The following CFL2 variants were observed in gnomAD, a reference collection of about 807,000 sequenced individuals.
CFL2 encodes the protein cofilin-2.
A neutral mutation model predicts 19.6 loss-of-function variants in CFL2; 10 were observed. The ratio of observed to expected loss-of-function variants is 0.51; its 90% confidence interval spans 0.31 to 0.86. CFL2 has a LOEUF of 0.86. CFL2 is among the 40% of genes least tolerant of loss of function. The pLI is 0.04. For synonymous variants in CFL2, 63 were observed against 66.7 expected, an observed-to-expected ratio of 0.95 and a Z score of 0.27; for missense variants, 125 against 192.1, an observed-to-expected ratio of 0.65 and a Z score of 2.06.
rs563036298 is a variant in CFL2, at chr14:34,712,740, T to C, written c.*125A>G. The C allele has an allele frequency of 3.6e-4, 260 of 728,310 alleles. 7 individuals are homozygous for C. In the South Asian group the frequency reaches 3.6e-3, roughly 10 times the overall value. The allele number at this position is 728,310 out of a possible 1,614,324, so 45.1% of individuals were successfully genotyped here. A position where few individuals can be genotyped will look rare whatever the true frequency, so the allele number is the denominator to read the frequency against. On this transcript the variant is annotated 3_prime_UTR_variant, in exon 4 of 4. Coordinates refer to ENST00000298159, the MANE Select transcript of CFL2 (RefSeq NM_138638.5). ...AAATAAATGATATTTCCTTCATTCA[T>C]TGTGTTGGAAGGGCCCAGTGGAAAG...
intron 1 of CFL2, 73 bp downstream of exon 1, chr14:34,714,465 G>A (rs1885426720): frequency 6.0e-6 from 9 of 1,509,170 alleles, no homozygotes; most frequent in South Asian, 1.2e-5. Context: ...TAAAATGGCG[G>A]CCTCACTCCC....
rs34155547 is a variant in CFL2 at position 34,709,622 on chromosome 14, CAA to C, written c.*3241_*3242del. 789 of 97,736 alleles carry C rather than the reference CAA, an allele frequency of 8.1e-3. 6 individuals carry two copies. Among genetic ancestry groups the C allele is most frequent in the African/African-American group, 0.027 (647 of 23,888 alleles). The allele number at this position is 97,736 out of a possible 1,614,324, so 6.1% of individuals were successfully genotyped here. A position where few individuals can be genotyped will look rare whatever the true frequency, so the allele number is the denominator to read the frequency against. On this transcript the variant is annotated 3_prime_UTR_variant, in exon 4 of 4. Transcript: ENST00000298159. ...AAACTCAGTCTCTACAAAAGAGATACAAAAAAAAAAAAAAAAAAAATTAGGCA... is the reference window on the plus strand; with the variant it reads ...AAACTCAGTCTCTACAAAAGAGATACAAAAAAAAAAAAAAAAAATTAGGCA...
In CFL2 at chr14:34,711,748, T is replaced by C. The variant is rs544175653; in HGVS notation, c.*1117A>G. On this transcript the variant is annotated 3_prime_UTR_variant, in exon 4 of 4. Transcript: ENST00000298159. ...AAAGTGCAAAAAATAATTTCTGATCTTCATATTAACACATAGGAAATAAAT... is the reference window on the plus strand; with the variant it reads ...AAAGTGCAAAAAATAATTTCTGATCCTCATATTAACACATAGGAAATAAAT... The C allele has an allele frequency of 6.1e-5, 27 of 442,494 alleles. No homozygotes were observed. Among genetic ancestry groups the C allele is most frequent in the African/African-American group, 5.1e-4 (25 of 49,316 alleles). 27.4% of individuals were successfully genotyped at this position (442,494 alleles called of 1,614,324 possible). A position where few individuals can be genotyped will look rare whatever the true frequency, so the allele number is the denominator to read the frequency against.
chr14:34,713,285 A>C lies in CFL2; in HGVS notation c.280T>G (p.Ser94Ala). The C allele has an allele frequency of 6.2e-7, 1 of 1,612,690 alleles. No individual in the cohort carries two copies. The highest frequency in any genetic ancestry group is 1.1e-5 in the South Asian group (1 of 90,646). ...ATAAATACTAGGTCTTCTTTCTTAG[A>C]CTCTTTTGTTTCGTATGTGGCATCG... ...LYDATYETKE[S>A]KKEDLVFIFW... Residue 94 changes from serine to alanine, a missense_variant, in exon 2 of 4, where the codon TCT becomes GCT. By Grantham distance (99) the Ser-to-Ala change is moderately conservative (BLOSUM62 1). Transcript: ENST00000298159.
At position 34,711,168 on chromosome 14, in the gene CFL2, C is replaced by T. The variant is rs1885273658; in HGVS notation, c.*1697G>A. On this transcript the variant is annotated 3_prime_UTR_variant, in exon 4 of 4. Transcript: ENST00000298159. ...TCTAATTATACTAAAATTACTTCCA[C>T]ACATTCAAAAAAAATTTTTAAGGGA... 2.2e-6 allele frequency: 1 copy of T among 453,908 alleles called. No homozygotes were observed. The highest frequency in any genetic ancestry group is 4.4e-6 in the Non-Finnish European group (1 of 226,756). 28.1% of individuals were successfully genotyped at this position (453,908 alleles called of 1,614,324 possible).
In CFL2 at chr14:34,712,020, C is replaced by T. The variant is rs747114884; in HGVS notation, c.*845G>A. ...AAACAAGGCAACGTTCTGTAATATGCCACAATTTTTATTGCAACGTGGCCA... is the reference window on the plus strand; with the variant it reads ...AAACAAGGCAACGTTCTGTAATATGTCACAATTTTTATTGCAACGTGGCCA... On this transcript the variant is annotated 3_prime_UTR_variant, in exon 4 of 4. Transcript: ENST00000298159. The T allele has an allele frequency of 3.5e-5, 16 of 454,438 alleles. No homozygotes were observed. Among genetic ancestry groups the T allele is most frequent in the South Asian group, 2.5e-4 (16 of 64,464 alleles). The allele number at this position is 454,438 out of a possible 1,614,324, so 28.2% of individuals were successfully genotyped here.
chr14:34,714,314 G>T, intron 1 of CFL2: 1 of 642,616 alleles, frequency 1.6e-6, no homozygotes, highest in Non-Finnish European at 2.3e-6. Flanking sequence ...CCCCCAACCT[G>T]CGCCGACGCC....
Position 34,710,786 on chromosome 14 carries a change from C to CAAG in CFL2, c.*2076_*2078dup, listed in dbSNP as rs780398130. ...AATCTCTGAAATTACTAGAGGCATA[C>CAAG]AAGAAAGTTAAGGAATCAGCTACAA... On this transcript the variant is annotated 3_prime_UTR_variant, in exon 4 of 4. Transcript: ENST00000298159. The CAAG allele has an allele frequency of 5.1e-5, 23 of 451,942 alleles. No homozygotes were observed. The highest frequency in any genetic ancestry group is 9.3e-5 in the Non-Finnish European group (21 of 226,210). The allele number at this position is 451,942 out of a possible 1,614,324, so 28.0% of individuals were successfully genotyped here.
At chr14:34,713,724 T>A (rs779187547) in intron 1 of CFL2, 163 bp from the exon 2 acceptor site, 1 of 1,612,324 alleles carries the variant, frequency 6.2e-7, no homozygotes, top group Non-Finnish European at 8.5e-7. Context: ...CAGTAGACGA[T>A]ACAGCGAAGG....
Position 34,711,477 on chromosome 14 carries a change from A to G in CFL2, c.*1388T>C, listed in dbSNP as rs2138469327. The G allele has an allele frequency of 2.2e-6, 1 of 454,584 alleles. No homozygotes were observed. The highest frequency in any genetic ancestry group is 4.4e-6 in the Non-Finnish European group (1 of 226,798). 28.2% of individuals were successfully genotyped at this position (454,584 alleles called of 1,614,324 possible). On this transcript the variant is annotated 3_prime_UTR_variant, in exon 4 of 4. Coordinates refer to ENST00000298159, the MANE Select transcript of CFL2 (RefSeq NM_138638.5). The stretch of plus-strand genomic sequence containing the variant: ...ACTAATGTTTAAGACTGCTATTATC[A>G]ATTCCTATTCCAATTCAATTTGCAA...
chr14:34,712,818 G>T lies in CFL2; in HGVS notation c.*47C>A. 1 of 1,049,254 alleles carries T rather than the reference G, an allele frequency of 9.5e-7. No homozygotes were observed. The highest frequency in any genetic ancestry group is 1.5e-6 in the Non-Finnish European group (1 of 663,714). 65.0% of individuals were successfully genotyped at this position (1,049,254 alleles called of 1,614,324 possible). A position where few individuals can be genotyped will look rare whatever the true frequency, so the allele number is the denominator to read the frequency against. On this transcript the variant is annotated 3_prime_UTR_variant, in exon 4 of 4. Transcript: ENST00000298159. ...TAATACTATTCCAATGGACTGAGCT[G>T]GAGAAATGGAAGCTCCTTAAGATCC...
chr14:34,713,577 G>C lies in CFL2; in HGVS notation c.4-16C>G. On this transcript the variant is annotated splice_polypyrimidine_tract_variant and intron_variant, in intron 1 of 3. Coordinates refer to ENST00000298159, the MANE Select transcript of CFL2 (RefSeq NM_138638.5). ...CTCCAGAAGCCTGAAAATAAACACAGAACAGTAATTCAGAACACGTATTTT... is the reference window on the plus strand; with the variant it reads ...CTCCAGAAGCCTGAAAATAAACACACAACAGTAATTCAGAACACGTATTTT... 6.2e-7 allele frequency: 1 copy of C among 1,613,866 alleles called. No homozygotes were observed. The highest frequency in any genetic ancestry group is 2.2e-5 in the East Asian group (1 of 44,872).
intron 1 of CFL2, 31 bp downstream of exon 1, chr14:34,714,507 C>G: frequency 6.4e-7 from 1 of 1,567,816 alleles, no homozygotes; most frequent in Non-Finnish European, 8.6e-7. Context: ...CTCGCCTCGC[C>G]GCGGCCTCCC....
intron 1 of CFL2, chr14:34,713,881 C>G (rs2138475912): frequency 7.0e-7 from 1 of 1,425,086 alleles, no homozygotes; most frequent in Non-Finnish European, 9.3e-7. Flanking sequence ...AAAATACCTT[C>G]TGTATTGTGT....
At chr14:34,713,224 A>T (rs1448447200) in intron 2 of CFL2, 30 bp downstream of exon 2, 2 of 1,599,230 alleles carry the variant, frequency 1.3e-6, no homozygotes, top group Admixed American at 1.7e-5. Context: ...TTGCATTTTA[A>T]AAGTACTTTT....
At chr14:34,714,501 C>T in intron 1 of CFL2, 37 bp downstream of exon 1, 1 of 1,561,750 alleles carries the variant, frequency 6.4e-7, no homozygotes, top group Admixed American at 1.8e-5. Context: ...GCTTTTCTCG[C>T]CTCGCCGCGG....
In CFL2 at chr14:34,709,373, T is replaced by C. The variant is rs1245385995; in HGVS notation, c.*3492A>G. ...GAGGGATGATTCCTCTACTTCTACA[T>C]GGAAATAAAGCAATTAGTTGGATGT... On this transcript the variant is annotated 3_prime_UTR_variant, in exon 4 of 4. Transcript: ENST00000298159. 2.0e-5 allele frequency: 3 copies of C among 151,986 alleles called. No homozygotes were observed. The highest frequency in any genetic ancestry group is 7.2e-5 in the African/African-American group (3 of 41,392). The allele number at this position is 151,986 out of a possible 1,614,324, so 9.4% of individuals were successfully genotyped here.
chr14:34,712,904 T>C lies in CFL2; in HGVS notation c.462A>G (p.Gly154=). 6.2e-7 allele frequency: 1 copy of C among 1,608,400 alleles called. No homozygotes were observed. Among genetic ancestry groups the C allele is most frequent in the Non-Finnish European group, 8.5e-7 (1 of 1,174,826 alleles). Residue 154 remains glycine (G), a synonymous_variant, in exon 4 of 4, where the codon GGA becomes GGG. Coordinates refer to ENST00000298159, the MANE Select transcript of CFL2 (RefSeq NM_138638.5). ...KDRSTLGEKL[G]GNVVVSLEGK... ...CTTCAAGTGAAACTACTACATTGCC[T>C]CCCAATTTCTCTCCAAGTGTCGAAC...
At chr14:34,713,945 A>G (rs1451793896) in intron 1 of CFL2, 8 of 851,224 alleles carry the variant, frequency 9.4e-6, no homozygotes, top group African/African-American at 1.7e-5. Flanking sequence ...TGCTTCTACT[A>G]TTTTTTTCTT....
Sources: gnomAD v4.1 joint callset for allele counts on GRCh38, gnomAD v4.1.1 for gene constraint, MANE v1.5 for transcripts, NCBI Gene and HGNC (gene_info 2026-07-23, HGNC 2026-07-21) for gene names.